SLC38A4: variants seen among roughly 807,000 people sequenced by gnomAD.
SLC38A4 encodes the protein sodium-coupled neutral amino acid transporter 4.
SLC38A4 carries 20 observed loss-of-function variants against 63.1 expected under a neutral mutation model. The ratio of observed to expected loss-of-function variants is 0.32; its 90% CI spans 0.22 to 0.46. The LOEUF (loss-of-function observed/expected upper bound fraction) is 0.46, where lower values mean the gene tolerates loss of function less well. Ranked by LOEUF, SLC38A4 falls within the 20% of genes least tolerant of loss-of-function variation. The pLI is 1.00. For synonymous variants in SLC38A4, 230 were observed against 225.5 expected (o/e 1.02, Z -0.18); for missense variants, 526 against 663.6 (o/e 0.79, Z 2.28).
chr12:46,828,324 G>C (rs771773424), upstream of SLC38A4, among the ~76,000 whole-genome samples: 1 of 151,888 alleles, frequency 6.6e-6, no homozygotes, highest in Non-Finnish European at 1.5e-5. Context: ...TTGTTTTGTT[G>C]GTTGGTTGTT....
At chr12:46,784,187 C>T (rs1018335387) in intron 7 of SLC38A4, among the ~76,000 whole-genome samples, 1 of 152,030 alleles carries the variant, frequency 6.6e-6, no homozygotes, top group Non-Finnish European at 1.5e-5. Context: ...CGAACTCAGT[C>T]ACACATAGAA....
intron 7 of SLC38A4, among the ~76,000 whole-genome samples, chr12:46,783,480 G>C (rs1391708395): frequency 5.3e-5 from 8 of 152,058 alleles, no homozygotes; most frequent in Admixed American, 5.2e-4. Flanking sequence ...GTTTATCTGA[G>C]AGCAGGGGAA....
rs531028448 is a variant in SLC38A4, at chr12:46,810,280, A to C, written c.-304-6486T>G. ...TGAAATAGAAAATCTAATAATAATA[A>C]GGTCCCTATGTTGTTTCAAAGATTA... On this transcript the variant is annotated intron_variant, in intron 1 of 16. Coordinates refer to ENST00000266579, the MANE Select transcript of SLC38A4 (RefSeq NM_018018.5). Among the ~76,000 whole-genome samples the C allele has an allele frequency of 2.0e-5, 3 of 152,154 alleles. No individual in the cohort carries two copies. In the South Asian group the frequency reaches 6.2e-4, roughly 32 times the overall value.
intron 1 of SLC38A4, among the ~76,000 whole-genome samples, 174 bp downstream of exon 1, chr12:46,825,729 A>G (rs1939637679): frequency 6.6e-6 from 1 of 152,208 alleles, no homozygotes; most frequent in Non-Finnish European, 1.5e-5. Context: ...AGCATGCACG[A>G]AACGCTTCTT....
At chr12:46,791,012 T>A (rs916619295) in intron 3 of SLC38A4, among the ~76,000 whole-genome samples, 6 of 152,146 alleles carry the variant, frequency 3.9e-5, no homozygotes, top group Non-Finnish European at 7.4e-5. Context: ...GCATGAAGCT[T>A]AAGAAAAGCA....
intron 7 of SLC38A4, among the ~76,000 whole-genome samples, chr12:46,783,275 A>AGAT (rs1555170987): frequency 7.0e-6 from 1 of 142,052 alleles, no homozygotes; most frequent in African/African-American, 2.6e-5. Context: ...ATAGATAGAT[A>AGAT]AAGATAGATA....
At chr12:46,771,811 A>C (rs1241209227) in intron 14 of SLC38A4, among the ~76,000 whole-genome samples, 1 of 152,070 alleles carries the variant, frequency 6.6e-6, no homozygotes, top group Non-Finnish European at 1.5e-5. Context: ...GCTAGGGCAG[A>C]CCACTGGCTG....
chr12:46,791,235 G>A (rs1938882309), intron 3 of SLC38A4, among the ~76,000 whole-genome samples: 2 of 152,098 alleles, frequency 1.3e-5, no homozygotes, highest in African/African-American at 4.8e-5. Flanking sequence ...CTATATTCTG[G>A]TCACCCATCT....
chr12:46,814,024 C>A (rs1939388783), intron 1 of SLC38A4, among the ~76,000 whole-genome samples: 1 of 151,952 alleles, frequency 6.6e-6, no homozygotes, highest in Admixed American at 6.6e-5. Flanking sequence ...ACTCAGTTTT[C>A]TCTTTAATAC....
At chr12:46,793,878 A>C (rs1202059325) in intron 2 of SLC38A4, among the ~76,000 whole-genome samples, 1 of 152,156 alleles carries the variant, frequency 6.6e-6, no homozygotes, top group East Asian at 1.9e-4. Flanking sequence ...CCTTTAATTC[A>C]TTGGATCTCA....
intron 7 of SLC38A4, 25 bp downstream of exon 7, chr12:46,784,517 T>C (rs1421755120): frequency 6.4e-7 from 1 of 1,566,814 alleles, no homozygotes; most frequent in South Asian, 1.2e-5. Context: ...GTTTATGGGA[T>C]CCATTGAAAA....
upstream of SLC38A4, among the ~76,000 whole-genome samples, chr12:46,826,809 A>G (rs1466749831): frequency 6.6e-6 from 1 of 152,226 alleles, no homozygotes; most frequent in Non-Finnish European, 1.5e-5. Flanking sequence ...CAATCATGCA[A>G]ATTAAGTAAA....
At chr12:46,775,251 G>A (rs1209164262) in intron 13 of SLC38A4, 78 bp from the exon 14 acceptor site, 8 of 1,532,956 alleles carry the variant, frequency 5.2e-6, no homozygotes, top group Non-Finnish European at 7.0e-6. Flanking sequence ...ATTTTATAGA[G>A]AGAACACAGA....
Position 46,788,592 on chromosome 12 carries a change from CT to C in SLC38A4, c.145del (p.Ser49ValfsTer5). On this transcript the variant is annotated frameshift_variant, in exon 4 of 17. Transcript: ENST00000266579. LOFTEE classifies it high-confidence loss of function. ...AAATCCATTTGTCAGGAATTTCTGA[CT>C]TTCAGTGTCTTCATTAGCAAATTGA... ...SSQFANEDTE[S>X]QKFLTNGFLG... is the part of the protein sequence containing the mutation. 6.2e-7 allele frequency: 1 copy of C among 1,613,626 alleles called. No individual in the cohort carries two copies. Among genetic ancestry groups the C allele is most frequent in the Non-Finnish European group, 8.5e-7 (1 of 1,179,842 alleles).
chr12:46,775,540 C>T (rs1938505787), intron 13 of SLC38A4, among the ~76,000 whole-genome samples: 1 of 151,948 alleles, frequency 6.6e-6, no homozygotes, highest in Non-Finnish European at 1.5e-5. Flanking sequence ...CAGCCTACCA[C>T]CTCCCCTGTC....
intron 2 of SLC38A4, among the ~76,000 whole-genome samples, chr12:46,799,982 T>C (rs1189345692): frequency 6.6e-6 from 1 of 152,178 alleles, no homozygotes; most frequent in Non-Finnish European, 1.5e-5. Flanking sequence ...GGAATAAATG[T>C]GCATTGAATT....
rs115905597 is a variant in SLC38A4 at position 46,812,639 on chromosome 12, C to T, written c.-304-8845G>A. 6.8e-3 allele frequency among the ~76,000 whole-genome samples: 1,038 copies of T among 152,130 alleles called. 15 individuals carry two copies. Among genetic ancestry groups the T allele is most frequent in the African/African-American group, 0.024 (996 of 41,534 alleles). On this transcript the variant is annotated intron_variant, in intron 1 of 16. Coordinates refer to ENST00000266579, the MANE Select transcript of SLC38A4 (RefSeq NM_018018.5). ...TGGCAGCAGAAAAAATGTACACATT[C>T]TTTTATTTTAGTAAATTAAAGCAAG...
chr12:46,765,484 T>A lies in SLC38A4; in HGVS notation c.*1217A>T. On this transcript the variant is annotated 3_prime_UTR_variant, in exon 17 of 17. Transcript: ENST00000266579. ...AAAAATTTGCAAAAAGAAACTTATT[T>A]TCTTGTAGATCATCCTATTATTGTA... 2.7e-6 allele frequency: 1 copy of A among 364,858 alleles called. No individual in the cohort carries two copies. The highest frequency in any genetic ancestry group is 2.0e-5 in the South Asian group (1 of 51,216). The allele number at this position is 364,858 out of a possible 1,614,324, so 22.6% of individuals were successfully genotyped here.
chr12:46,831,941 G>GCGCGGCC (rs1939737218), intron 1 of SLC38A4, among the ~76,000 whole-genome samples: 2 of 152,094 alleles, frequency 1.3e-5, no homozygotes, highest in African/African-American at 4.8e-5. Context: ...GCGGGAGGCG[G>GCGCGGCC]AGGTGCCCCA....
Sources: gnomAD v4.1 joint callset for allele counts (sites outside exome capture counted in the v4.1 genomes callset) on GRCh38, gnomAD v4.1.1 for gene constraint, MANE v1.5 for transcripts, NCBI Gene and HGNC (gene_info 2026-07-23, HGNC 2026-07-21) for gene names.